EYA3: variants seen among roughly 807,000 people sequenced by gnomAD.
EYA3 encodes the protein EYA transcriptional coactivator and phosphatase 3, also known as protein phosphatase EYA3.
EYA3 carries 39 observed loss-of-function variants against 80.0 expected under a neutral mutation model. That is an observed-to-expected ratio of 0.49 (90% CI 0.38 to 0.64). The LOEUF is 0.64. Ranked by LOEUF, EYA3 falls within the 30% of genes least tolerant of loss-of-function variation. The probability of loss-of-function intolerance (pLI) is 0.00; values close to 1 mark genes in which losing one functional copy is unlikely to be tolerated. For synonymous variants in EYA3, 206 were observed against 232.8 expected (o/e 0.88, Z 1.05); for missense variants, 523 against 676.1 (o/e 0.77, Z 2.51).
intron 16 of EYA3, 89 bp downstream of exon 16, chr1:27,988,446 T>C: frequency 6.9e-7 from 1 of 1,449,048 alleles, no homozygotes; most frequent in Non-Finnish European, 9.4e-7. Context: ...ATAAAGTGTC[T>C]AACAAGAGGG....
intron 6 of EYA3, among the ~76,000 whole-genome samples, chr1:28,029,451 T>A (rs1173451541): frequency 6.6e-6 from 1 of 152,160 alleles, no homozygotes; most frequent in East Asian, 1.9e-4. Flanking sequence ...GCCTTTTAAT[T>A]TGCAATAAAC....
At chr1:28,017,014 T>A in intron 8 of EYA3, 140 bp downstream of exon 8, 2 of 622,288 alleles carry the variant, frequency 3.2e-6, no homozygotes, top group Non-Finnish European at 5.6e-6. Flanking sequence ...AGGGTCCGAG[T>A]TCTGAAGGTA....
chr1:28,050,931 G>C (rs965299548), intron 2 of EYA3, among the ~76,000 whole-genome samples: 1 of 152,176 alleles, frequency 6.6e-6, no homozygotes, highest in African/African-American at 2.4e-5. Flanking sequence ...CAATTTTCTG[G>C]AGAGTTTACA....
At chr1:28,038,727 G>C in intron 5 of EYA3, 112 bp downstream of exon 5, 1 of 567,492 alleles carries the variant, frequency 1.8e-6, no homozygotes, top group African/African-American at 1.9e-5. Context: ...GATAGAATAA[G>C]AGAGGTAAAA....
chr1:27,971,579 G>C lies in EYA3; in HGVS notation c.*2887C>G, dbSNP rs1638724883. The C allele has an allele frequency of 7.3e-6, 1 of 136,432 alleles. No homozygotes were observed. Among genetic ancestry groups the C allele is most frequent in the African/African-American group, 2.8e-5 (1 of 35,558 alleles). The allele number at this position is 136,432 out of a possible 1,614,324, so 8.5% of individuals were successfully genotyped here. On this transcript the variant is annotated 3_prime_UTR_variant, in exon 18 of 18. Coordinates refer to ENST00000373871, the MANE Select transcript of EYA3 (RefSeq NM_001990.4). ...ACTGTACTCCAGCCTGGGTGACAGA[G>C]CGAGACTCCATCTCAACAACAACAA... is the stretch of plus-strand genomic sequence containing the variant.
In EYA3 at chr1:28,013,201, C is replaced by T. The variant is rs1641812294; in HGVS notation, c.679G>A (p.Ala227Thr). 6.2e-7 allele frequency: 1 copy of T among 1,614,116 alleles called. No homozygotes were observed. Among genetic ancestry groups the T allele is most frequent in the Non-Finnish European group, 8.5e-7 (1 of 1,179,996 alleles). The change falls in exon 9 of 18, where the codon GCA (alanine) becomes ACA (threonine). Residue 227 changes from alanine to threonine, a missense_variant. Transcript: ENST00000373871. This position sits in a 1 kb window ranked among gnomAD's most constrained non-coding sequence, Gnocchi z 4.0. ...GTTGCTGCTAATGTGGTGCTCTCTGCATCACTGTTAGTCTGACCTGTGACT... is the reference window on the plus strand; with the variant it reads ...GTTGCTGCTAATGTGGTGCTCTCTGTATCACTGTTAGTCTGACCTGTGACT... Reference protein sequence around the residue: ...FGVTGQTNSDAESTTLAATTY... With the variant: ...FGVTGQTNSDTESTTLAATTY...
chr1:28,058,967 G>A (rs1644523790), intron 1 of EYA3, among the ~76,000 whole-genome samples: 1 of 152,180 alleles, frequency 6.6e-6, no homozygotes, highest in Admixed American at 6.5e-5. Context: ...GTGATTGCTT[G>A]TATATTTAAT....
chr1:28,022,639 T>C (rs112164785), intron 7 of EYA3, among the ~76,000 whole-genome samples: 5 of 152,324 alleles, frequency 3.3e-5, no homozygotes, highest in African/African-American at 1.2e-4. Context: ...TACCTACATA[T>C]ATTTGTTTGC....
chr1:27,975,858 G>A (rs1420695209), intron 17 of EYA3, among the ~76,000 whole-genome samples: 1 of 152,022 alleles, frequency 6.6e-6, no homozygotes, highest in Non-Finnish European at 1.5e-5. Context: ...CCAGGCTGGG[G>A]TGCAGTGGTG....
At chr1:27,994,564 G>A (rs140110939) in intron 13 of EYA3, among the ~76,000 whole-genome samples, 1 of 152,056 alleles carries the variant, frequency 6.6e-6, no homozygotes, top group African/African-American at 2.4e-5. Context: ...GCGCATGCCT[G>A]TAGTCCCAGC....
chr1:27,986,126 G>A (rs1198142866), intron 16 of EYA3, among the ~76,000 whole-genome samples: 1 of 152,050 alleles, frequency 6.6e-6, no homozygotes, highest in East Asian at 1.9e-4. Context: ...AGCACTTTGG[G>A]AAGCTGAGGC....
At chr1:28,020,725 T>G (rs1642382253) in intron 7 of EYA3, among the ~76,000 whole-genome samples, 1 of 143,108 alleles carries the variant, frequency 7.0e-6, no homozygotes. Context: ...TGAATAAAAA[T>G]AATATTCAAT....
At chr1:28,085,678 C>G (rs1351986079) in intron 1 of EYA3, among the ~76,000 whole-genome samples, 2 of 152,196 alleles carry the variant, frequency 1.3e-5, no homozygotes, top group African/African-American at 2.4e-5. Context: ...GGGCTACCAA[C>G]TAAAGTAGAA....
chr1:28,081,587 G>C (rs1388332934), intron 1 of EYA3, among the ~76,000 whole-genome samples: 1 of 151,942 alleles, frequency 6.6e-6, no homozygotes, highest in African/African-American at 2.4e-5. Context: ...TTATTCTTTT[G>C]GTAAAGAGAG....
intron 1 of EYA3, among the ~76,000 whole-genome samples, chr1:28,086,582 G>A (rs758713637): frequency 1.1e-4 from 16 of 152,100 alleles, no homozygotes; most frequent in Admixed American, 3.3e-4. Flanking sequence ...ATTTTCTATT[G>A]TTTTGAAGAC....
chr1:28,066,324 G>A (rs1192474069), intron 1 of EYA3, among the ~76,000 whole-genome samples: 1 of 151,672 alleles, frequency 6.6e-6, no homozygotes, highest in African/African-American at 2.4e-5. Context: ...AGATGGTGGG[G>A]GTACTACCTT....
chr1:27,986,415 T>TG (rs1257989168), intron 16 of EYA3, among the ~76,000 whole-genome samples: 2 of 151,756 alleles, frequency 1.3e-5, no homozygotes, highest in Non-Finnish European at 2.9e-5. Context: ...TTTTTTTTTT[T>TG]TGAGGCAGAG....
At chr1:28,040,458 T>C (rs1355594663) in intron 4 of EYA3, among the ~76,000 whole-genome samples, 1 of 152,176 alleles carries the variant, frequency 6.6e-6, no homozygotes, top group Non-Finnish European at 1.5e-5. Flanking sequence ...GAAGTCAGAC[T>C]GGAAATATCA....
At chr1:28,038,417 C>T (rs1464918978) in intron 5 of EYA3, among the ~76,000 whole-genome samples, 1 of 99,840 alleles carries the variant, frequency 1.0e-5, no homozygotes, top group Non-Finnish European at 1.9e-5. Context: ...GCCTGGGCAA[C>T]AAACAGAGTG....
Sources: allele counts gnomAD v4.1 joint callset (sites outside exome capture counted in the v4.1 genomes callset), GRCh38; gene constraint gnomAD v4.1.1; non-coding constraint Gnocchi (gnomAD v3.1); transcripts MANE v1.5; gene names NCBI Gene and HGNC (gene_info 2026-07-23, HGNC 2026-07-21).